The following NCMAP variants were observed in gnomAD, a reference collection of about 807,000 sequenced individuals.
The protein encoded by NCMAP is non-compact myelin associated protein.
In NCMAP, 8 loss-of-function variants were observed where a neutral mutation model predicts 7.8. The observed-to-expected ratio is 1.02, with a 90% CI of 0.60 to 1.84. The LOEUF (loss-of-function observed/expected upper bound fraction) is 1.84. Among genes scored for constraint, NCMAP ranks in the 40% most tolerant of loss-of-function variants. The probability of loss-of-function intolerance (pLI) is 0.00; values close to 1 mark genes in which losing one functional copy is unlikely to be tolerated. For synonymous variants in NCMAP, 41 were observed against 52.9 expected (o/e 0.78, Z 0.98); for missense variants, 112 against 131.4 (o/e 0.85, Z 0.72).
chr1:24,569,696 C>T (rs914944571), intron 1 of NCMAP, among the ~76,000 whole-genome samples: 2 of 150,512 alleles, frequency 1.3e-5, no homozygotes, highest in Non-Finnish European at 2.9e-5. Context: ...TAATGATACC[C>T]ACCTCCTAGG....
At chr1:24,595,872 G>A (rs1652208963) in intron 2 of NCMAP, among the ~76,000 whole-genome samples, 1 of 149,816 alleles carries the variant, frequency 6.7e-6, no homozygotes, top group African/African-American at 2.5e-5. Flanking sequence ...CTATACAATG[G>A]GGATATTAAA....
chr1:24,558,168 C>T (rs77555576), intron 1 of NCMAP, among the ~76,000 whole-genome samples: 2,743 of 152,270 alleles, frequency 0.018, 85 homozygotes, highest in African/African-American at 0.062. Context: ...AGTTGGGAGG[C>T]GCTGGACCCC....
rs577779161 is a variant in NCMAP at position 24,597,109 on chromosome 1, G to A, written c.82+1597G>A. 3.3e-5 allele frequency among the ~76,000 whole-genome samples: 5 copies of A among 152,276 alleles called. No homozygotes were observed. The East Asian group carries it at 7.8e-4, about 24-fold the overall frequency. The stretch of plus-strand genomic sequence containing the variant: ...TGCTGGCTGGGTGGGCAGACCTACA[G>A]AGGCCTGAGGAGGTGTGTCTCCAAA... On this transcript the variant is annotated intron_variant, in intron 2 of 3. Transcript: ENST00000374392.
At chr1:24,588,225 G>A (rs927968951) in intron 1 of NCMAP, among the ~76,000 whole-genome samples, 1 of 152,050 alleles carries the variant, frequency 6.6e-6, no homozygotes, top group Non-Finnish European at 1.5e-5. Flanking sequence ...ATCATTACAG[G>A]TTCACATCAC....
intron 2 of NCMAP, among the ~76,000 whole-genome samples, chr1:24,598,867 A>T (rs1183528622): frequency 6.7e-6 from 1 of 149,718 alleles, no homozygotes; most frequent in African/African-American, 2.5e-5. Context: ...CAAACTCCTG[A>T]CCTCAGGTGA....
intron 1 of NCMAP, among the ~76,000 whole-genome samples, chr1:24,594,862 G>A (rs764405370): frequency 3.3e-5 from 5 of 151,838 alleles, no homozygotes; most frequent in Non-Finnish European, 5.9e-5. Context: ...CTGCACTCCA[G>A]CCTGGGCGAC....
intron 3 of NCMAP, among the ~76,000 whole-genome samples, chr1:24,601,236 C>T (rs55691364): frequency 0.27 from 41,340 of 151,756 alleles, 6,239 homozygotes; most frequent in Middle Eastern, 0.45. Context: ...ATTTTTTAAA[C>T]GTAGTAATGA....
intron 1 of NCMAP, among the ~76,000 whole-genome samples, chr1:24,558,290 T>G (rs745834630): frequency 6.6e-5 from 10 of 152,174 alleles, no homozygotes; most frequent in Non-Finnish European, 1.5e-4. Flanking sequence ...GGAGCAAGGC[T>G]GCCTTGCTTC....
intron 1 of NCMAP, among the ~76,000 whole-genome samples, chr1:24,594,325 G>A (rs998242050): frequency 1.3e-5 from 2 of 152,096 alleles, no homozygotes; most frequent in African/African-American, 2.4e-5. Context: ...GTAGCCTTGT[G>A]CATTTTGATT....
chr1:24,590,099 T>C (rs1331212675), intron 1 of NCMAP, among the ~76,000 whole-genome samples: 1 of 152,168 alleles, frequency 6.6e-6, no homozygotes, highest in African/African-American at 2.4e-5. Flanking sequence ...TGCACCCGGC[T>C]GAGAGTTGGC....
chr1:24,585,205 T>C (rs1453212057), intron 1 of NCMAP, among the ~76,000 whole-genome samples: 4 of 152,038 alleles, frequency 2.6e-5, no homozygotes, highest in African/African-American at 9.7e-5. Context: ...GTGGGGAGCT[T>C]ATGATAAGGG....
chr1:24,600,844 T>G, intron 2 of NCMAP, 96 bp from the exon 3 acceptor site: 4 of 1,019,476 alleles, frequency 3.9e-6, no homozygotes, highest in Non-Finnish European at 6.2e-6. Flanking sequence ...CCTGCCTCCC[T>G]TGACCTAGTG....
intron 1 of NCMAP, among the ~76,000 whole-genome samples, chr1:24,558,168 C>A (rs77555576): frequency 2.0e-5 from 3 of 152,164 alleles, no homozygotes; most frequent in Non-Finnish European, 4.4e-5. Flanking sequence ...AGTTGGGAGG[C>A]GCTGGACCCC....
At chr1:24,566,745 C>G (rs1201207390) in intron 1 of NCMAP, among the ~76,000 whole-genome samples, 12 of 152,118 alleles carry the variant, frequency 7.9e-5, no homozygotes, top group Admixed American at 7.9e-4. Flanking sequence ...ATATCCCAGC[C>G]CCACAATGGC....
At chr1:24,595,079 G>A (rs986987466) in intron 1 of NCMAP, among the ~76,000 whole-genome samples, 34 of 152,052 alleles carry the variant, frequency 2.2e-4, no homozygotes, top group African/African-American at 6.8e-4. Context: ...GGTCAACTTG[G>A]GACTCCAGGT....
intron 1 of NCMAP, among the ~76,000 whole-genome samples, chr1:24,573,802 A>C (rs1234666569): frequency 6.7e-6 from 1 of 149,600 alleles, no homozygotes; most frequent in Non-Finnish European, 1.5e-5. Flanking sequence ...TTAGAAAAGA[A>C]ACCTAGAAAC....
chr1:24,594,912 A>T (rs1014083167), intron 1 of NCMAP, among the ~76,000 whole-genome samples: 2 of 152,098 alleles, frequency 1.3e-5, no homozygotes, highest in African/African-American at 2.4e-5. Context: ...TTTTTAAATC[A>T]TAGTTAATTT....
intron 1 of NCMAP, among the ~76,000 whole-genome samples, chr1:24,571,309 T>C (rs1031668896): frequency 6.7e-6 from 1 of 150,020 alleles, no homozygotes; most frequent in African/African-American, 2.5e-5. Context: ...ACCTCGTCTC[T>C]ACTAAAAATA....
At position 24,596,298 on chromosome 1, in the gene NCMAP, C is replaced by T. The variant is rs369734352; in HGVS notation, c.82+786C>T. ...AAACAAAAAAATATTACTACTACTACGATTGCTATTGTTTTCGTTAAAAAG... is the reference window on the plus strand; with the variant it reads ...AAACAAAAAAATATTACTACTACTATGATTGCTATTGTTTTCGTTAAAAAG... On this transcript the variant is annotated intron_variant, in intron 2 of 3. Transcript: ENST00000374392. Among the ~76,000 whole-genome samples the T allele has an allele frequency of 6.6e-5, 10 of 152,012 alleles. No individual in the cohort carries two copies. The East Asian group carries it at 7.8e-4, about 12-fold the overall frequency.
Sources: gnomAD v4.1 joint callset for allele counts (sites outside exome capture counted in the v4.1 genomes callset) on GRCh38, gnomAD v4.1.1 for gene constraint, MANE v1.5 for transcripts, NCBI Gene and HGNC (gene_info 2026-07-23, HGNC 2026-07-21) for gene names.